ST3GAL5: variants seen among roughly 807,000 people sequenced by gnomAD.
ST3GAL5 encodes ST3 beta-galactoside alpha-2,3-sialyltransferase 5, also known as lactosylceramide alpha-2,3-sialyltransferase.
ST3GAL5 carries 25 observed loss-of-function variants against 46.1 expected under a neutral mutation model. The ratio of observed to expected loss-of-function variants is 0.54; its 90% CI spans 0.40 to 0.76. ST3GAL5 has a LOEUF of 0.76. Among genes scored for constraint, ST3GAL5 ranks in the 30% least tolerant of loss-of-function variants. The pLI is 0.00. For synonymous variants in ST3GAL5, 182 were observed against 192.7 expected (o/e 0.94, Z 0.46); for missense variants, 431 against 521.2 (o/e 0.83, Z 1.69).
chr2:85,884,024 C>T (rs144125967), intron 1 of ST3GAL5, among the ~76,000 whole-genome samples: 138 of 152,232 alleles, frequency 9.1e-4, no homozygotes, highest in African/African-American at 3.2e-3. Context: ...CACTACAGAC[C>T]ACAAAGACAT....
chr2:85,842,798 G>A (rs111408156), intron 6 of ST3GAL5, among the ~76,000 whole-genome samples: 1 of 140,146 alleles, frequency 7.1e-6, no homozygotes. Context: ...TTTCACTCTT[G>A]TTGCCCAGGC....
At position 85,852,920 on chromosome 2, in the gene ST3GAL5, CGGTTTGAAGATGCTGGTGCCT is replaced by C. The variant is rs551506616; in HGVS notation, c.319-4737_319-4717del. The C allele has an allele frequency of 8.6e-4, 1,124 of 1,304,154 alleles. 9 individuals carry two copies. In the African/African-American group the frequency reaches 0.016, roughly 19 times the overall value. The allele number at this position is 1,304,154 out of a possible 1,614,324, so 80.8% of individuals were successfully genotyped here. ...AGCAGCACTAAGGAGAGAAAAGACT[CGGTTTGAAGATGCTGGTGCCT>C]GGGCTCACTGAATGCTTCAGCAGGG... On this transcript the variant is annotated intron_variant, in intron 3 of 6. Coordinates refer to ENST00000638572, the MANE Select transcript of ST3GAL5 (RefSeq NM_003896.4).
intron 2 of ST3GAL5, 69 bp downstream of exon 2, chr2:85,863,293 A>G: frequency 6.2e-7 from 1 of 1,610,860 alleles, no homozygotes; most frequent in Non-Finnish European, 8.5e-7. Context: ...GCTCTCACTG[A>G]ATTTTTCTCC....
chr2:85,881,661 A>G (rs1687167200), intron 1 of ST3GAL5, among the ~76,000 whole-genome samples: 1 of 152,214 alleles, frequency 6.6e-6, no homozygotes, highest in East Asian at 1.9e-4. Flanking sequence ...GATTTAGGGT[A>G]TCTGGTGGAA....
intron 1 of ST3GAL5, among the ~76,000 whole-genome samples, chr2:85,869,231 A>C (rs1685634991): frequency 6.6e-6 from 1 of 152,048 alleles, no homozygotes; most frequent in Non-Finnish European, 1.5e-5. Context: ...TTATTTGTAG[A>C]GATGGGGTCT....
At chr2:85,866,434 T>G (rs999459387) in intron 1 of ST3GAL5, among the ~76,000 whole-genome samples, 1 of 152,254 alleles carries the variant, frequency 6.6e-6, no homozygotes, top group Non-Finnish European at 1.5e-5. Context: ...CAAAGCCGTC[T>G]TTCAAAAATA....
intron 6 of ST3GAL5, among the ~76,000 whole-genome samples, chr2:85,842,651 T>C (rs1388644292): frequency 1.3e-5 from 2 of 152,158 alleles, no homozygotes; most frequent in South Asian, 2.1e-4. Flanking sequence ...AAGCAGAAAG[T>C]AGAAGTCTTC....
intron 6 of ST3GAL5, among the ~76,000 whole-genome samples, chr2:85,843,222 T>C (rs1248589023): frequency 1.3e-5 from 2 of 152,224 alleles, no homozygotes; most frequent in African/African-American, 4.8e-5. Context: ...GTTAATGCTA[T>C]AGTGTACATC....
chr2:85,888,715 G>C, intron 1 of ST3GAL5, 109 bp downstream of exon 1: 2 of 881,462 alleles, frequency 2.3e-6, no homozygotes, highest in Non-Finnish European at 2.9e-6. Flanking sequence ...TGCCCGCGGG[G>C]TTCGAGGCGG....
At chr2:85,848,693 G>A (rs956301554) in intron 3 of ST3GAL5, 8 of 261,028 alleles carry the variant, frequency 3.1e-5, no homozygotes, top group Admixed American at 2.5e-4. Context: ...GGGTTGAAGA[G>A]AGGGAGAAAA....
chr2:85,882,377 G>C (rs1045975264), intron 1 of ST3GAL5, among the ~76,000 whole-genome samples: 1 of 152,184 alleles, frequency 6.6e-6, no homozygotes, highest in Non-Finnish European at 1.5e-5. Context: ...CGTGTGCCTG[G>C]AAAAGCTGTA....
intron 1 of ST3GAL5, among the ~76,000 whole-genome samples, chr2:85,885,051 T>G (rs943064468): frequency 9.2e-5 from 14 of 152,230 alleles, no homozygotes; most frequent in African/African-American, 1.7e-4. Context: ...AACTTAATCC[T>G]GAACATTTTT....
chr2:85,863,975 G>A (rs942028991), intron 1 of ST3GAL5, among the ~76,000 whole-genome samples: 1 of 152,088 alleles, frequency 6.6e-6, no homozygotes, highest in African/African-American at 2.4e-5. Flanking sequence ...CAAAGTGCTG[G>A]GATTACATGC....
chr2:85,881,701 G>C (rs1199438698), intron 1 of ST3GAL5, among the ~76,000 whole-genome samples: 6 of 152,234 alleles, frequency 3.9e-5, no homozygotes. Flanking sequence ...GCAGTCAAGA[G>C]GTGACGTGGG....
At chr2:85,880,923 A>T (rs1472655843) in intron 1 of ST3GAL5, 1 of 518,234 alleles carries the variant, frequency 1.9e-6, no homozygotes, top group African/African-American at 1.9e-5. Flanking sequence ...GTGTCAGATG[A>T]TGTTTCAGAT....
rs1449149517 is a variant in ST3GAL5 at position 85,879,989 on chromosome 2, C to T, written c.82+8835G>A. Among the ~76,000 whole-genome samples the T allele has an allele frequency of 8.5e-5, 13 of 152,192 alleles. No individual in the cohort carries two copies. The East Asian group carries it at 2.3e-3, about 27-fold the overall frequency. ...CAAATAGGATCTTAGAAATATTCTT[C>T]AGGGAACAGCTGTCCAGGTGGATGG... On this transcript the variant is annotated intron_variant, in intron 1 of 6. Coordinates refer to ENST00000638572, the MANE Select transcript of ST3GAL5 (RefSeq NM_003896.4).
chr2:85,851,481 G>A, intron 3 of ST3GAL5: 1 of 1,273,336 alleles, frequency 7.9e-7, no homozygotes, highest in Non-Finnish European at 1.0e-6. Flanking sequence ...CAGAACAGGA[G>A]GACCACATGG....
rs1327730463 is a variant in ST3GAL5 at position 85,888,919 on chromosome 2, C to CGCCG, written c.-18_-15dup. ...CTTCGTCCGCATACTAATGAGGGGG[C>CGCCG]GCCGGCCGGCCGCCAGCCCGGTACC... On this transcript the variant is annotated 5_prime_UTR_variant, in exon 1 of 7. The change abolishes the stop of an existing upstream ORF in the 5' untranslated region. Coordinates refer to ENST00000638572, the MANE Select transcript of ST3GAL5 (RefSeq NM_003896.4). 6.0e-6 allele frequency: 8 copies of CGCCG among 1,343,962 alleles called. No homozygotes were observed. The highest frequency in any genetic ancestry group is 6.7e-6 in the Non-Finnish European group (7 of 1,041,826). The allele number at this position is 1,343,962 out of a possible 1,614,324, so 83.3% of individuals were successfully genotyped here. A position where few individuals can be genotyped will look rare whatever the true frequency, so the allele number is the denominator to read the frequency against.
intron 3 of ST3GAL5, chr2:85,854,683 G>C (rs747031751): frequency 6.6e-6 from 1 of 152,192 alleles, no homozygotes; most frequent in South Asian, 2.1e-4. Context: ...TGTGATTCAA[G>C]TACTATCTCC....
Sources: gnomAD v4.1 joint callset for allele counts (sites outside exome capture counted in the v4.1 genomes callset) on GRCh38, gnomAD v4.1.1 for gene constraint, MANE v1.5 for transcripts, NCBI Gene and HGNC (gene_info 2026-07-23, HGNC 2026-07-21) for gene names.